NAIP: variants seen among roughly 807,000 people sequenced by gnomAD.
NAIP encodes the protein NLR family apoptosis inhibitory protein.
A neutral mutation model predicts 23.0 loss-of-function variants in NAIP; 15 were observed. The observed-to-expected ratio is 0.65, with a 90% CI of 0.44 to 1.00. The LOEUF is 1.00. Among genes scored for constraint, NAIP ranks in the 50% least tolerant of loss-of-function variants. NAIP has a pLI of 0.00. For synonymous variants in NAIP, 100 were observed against 100.2 expected (o/e 1.00, Z 0.01); for missense variants, 265 against 278.8 (o/e 0.95, Z 0.35).
chr5:71,016,489 AT>A (rs1379278968), intron 3 of NAIP, among the ~76,000 whole-genome samples: 1 of 151,742 alleles, frequency 6.6e-6, no homozygotes, highest in East Asian at 1.9e-4. Flanking sequence ...GTCTCTATAG[AT>A]TTGCCTACTG....
At chr5:71,002,387 A>C (rs1580923956) in intron 6 of NAIP, among the ~76,000 whole-genome samples, 1 of 45,622 alleles carries the variant, frequency 2.2e-5, no homozygotes, top group Non-Finnish European at 4.0e-5. Flanking sequence ...AGAGACAGAC[A>C]CGATGTTGGA....
intron 13 of NAIP, among the ~76,000 whole-genome samples, chr5:70,978,155 T>A (rs2528565): frequency 0.01 from 1,068 of 102,522 alleles, no homozygotes; most frequent in Non-Finnish European, 0.015. Flanking sequence ...ATATATTTTT[T>A]TTTTTTTTTT....
chr5:71,010,410 A>T (rs1751093912), intron 5 of NAIP, among the ~76,000 whole-genome samples: 2 of 151,640 alleles, frequency 1.3e-5, no homozygotes, highest in African/African-American at 4.8e-5. Context: ...CTGGGACTAC[A>T]GGCACCCGCC....
chr5:70,977,370 A>G (rs1319240419), intron 13 of NAIP, among the ~76,000 whole-genome samples: 1 of 147,098 alleles, frequency 6.8e-6, no homozygotes, highest in African/African-American at 2.7e-5. Flanking sequence ...TTACACAATA[A>G]GAATACAAAG....
intron 6 of NAIP, among the ~76,000 whole-genome samples, chr5:71,002,349 ATTTTTTT>A (rs1358622347): frequency 2.6e-4 from 7 of 26,642 alleles, no homozygotes; most frequent in Middle Eastern, 0.013. Context: ...CACCCGGCTA[ATTTTTTT>A]TTTTTTTTTG....
intron 3 of NAIP, among the ~76,000 whole-genome samples, chr5:71,014,669 G>A (rs1052975824): frequency 3.3e-5 from 5 of 151,482 alleles, no homozygotes; most frequent in Admixed American, 2.6e-4. Context: ...TTGGGAGGCT[G>A]AGGCGGGCAG....
intron 13 of NAIP, among the ~76,000 whole-genome samples, chr5:70,978,014 T>A (rs1580909526): frequency 9.2e-6 from 1 of 109,196 alleles, no homozygotes. Flanking sequence ...AAAAGAAACA[T>A]AAAAGGAATG....
intron 4 of NAIP, chr5:71,011,752 T>A (rs937011027): frequency 9.0e-6 from 4 of 446,496 alleles, no homozygotes; most frequent in African/African-American, 2.0e-5. Flanking sequence ...AACATAGGCA[T>A]GTTTCTTAAA....
At position 71,012,811 on chromosome 5, in the gene NAIP, TG is replaced by T. The variant is rs1391375203; in HGVS notation, c.104del (p.Ala35GlufsTer4). 6.2e-7 allele frequency: 1 copy of T among 1,611,896 alleles called. No individual in the cohort carries two copies. Among genetic ancestry groups the T allele is most frequent in the East Asian group, 2.2e-5 (1 of 44,870 alleles). ...TCTGCTCCTCTTCTTCTAGTTCCTT[TG>T]CCAACTGAACTGCATCTAGGCCCAG... ...ALLGLDAVQL[A>X]KELEEEEQKE... On this transcript the variant is annotated frameshift_variant, in exon 4 of 17. Transcript: ENST00000517649. LOFTEE classifies it high-confidence loss of function.
intron 3 of NAIP, among the ~76,000 whole-genome samples, chr5:71,013,951 G>T (rs1371185055): frequency 2.0e-5 from 3 of 151,438 alleles, no homozygotes; most frequent in Non-Finnish European, 4.4e-5. Context: ...TCGAGAATAA[G>T]GGTTGATAAA....
intron 4 of NAIP, chr5:71,011,673 C>T (rs1751167288): frequency 2.1e-6 from 1 of 486,488 alleles, no homozygotes; most frequent in Admixed American, 3.2e-5. Context: ...CCGACTAACA[C>T]CAGGACCAGC....
intron 3 of NAIP, among the ~76,000 whole-genome samples, chr5:71,014,837 A>G (rs905164700): frequency 1.3e-5 from 2 of 151,580 alleles, no homozygotes; most frequent in African/African-American, 4.8e-5. Flanking sequence ...TGGGAGGCAG[A>G]GGTTGCAGTG....
chr5:71,014,629 G>A (rs1283823146), intron 3 of NAIP, among the ~76,000 whole-genome samples: 1 of 151,638 alleles, frequency 6.6e-6, no homozygotes, highest in African/African-American at 2.4e-5. Context: ...TTAGCTGGGC[G>A]CAGTGGCTCA....
Position 71,024,920 on chromosome 5 carries a change from GA to G in NAIP, c.-525del, listed in dbSNP as rs1408636514. ...CTAATCATGCCTTAGTCTTTCAGGG[GA>G]TAGCCCCCATCCTGAAGTTGTCTAA... On this transcript the variant is annotated 5_prime_UTR_variant, in exon 1 of 17. An upstream open reading frame in the 5' UTR loses its in-frame stop. Coordinates refer to ENST00000517649, the MANE Select transcript of NAIP (RefSeq NM_004536.3). 8 of 48,908 alleles carry G rather than the reference GA, an allele frequency of 1.6e-4. 2 individuals carry two copies. The highest frequency in any genetic ancestry group is 6.5e-4 in the Admixed American group (2 of 3,088). 3.0% of individuals were successfully genotyped at this position (48,908 alleles called of 1,614,324 possible).
At chr5:70,978,244 T>C (rs1750389564) in intron 13 of NAIP, among the ~76,000 whole-genome samples, 1 of 149,608 alleles carries the variant, frequency 6.7e-6, no homozygotes, top group African/African-American at 2.5e-5. Flanking sequence ...CTTGAACTTC[T>C]GGACTCAAGT....
rs1235283443 is a variant in NAIP at position 70,971,702 on chromosome 5, G to A, written c.3848-1234C>T. On this transcript the variant is annotated intron_variant, in intron 16 of 16. Coordinates refer to ENST00000517649, the MANE Select transcript of NAIP (RefSeq NM_004536.3). ...TGACATTCCTAAAGCCATGTCATCC[G>A]ACTGTCCACTGCTATGCCCTATTTC... 1.2e-4 allele frequency: 12 copies of A among 96,746 alleles called. 2 individuals are homozygous for A. The highest frequency in any genetic ancestry group is 2.4e-4 in the Non-Finnish European group (10 of 41,324). 6.0% of individuals were successfully genotyped at this position (96,746 alleles called of 1,614,324 possible). A position where few individuals can be genotyped will look rare whatever the true frequency, so the allele number is the denominator to read the frequency against.
intron 3 of NAIP, among the ~76,000 whole-genome samples, chr5:71,013,134 T>C (rs570849056): frequency 2.2e-4 from 34 of 151,628 alleles, no homozygotes; most frequent in African/African-American, 7.0e-4. Context: ...GTGCTAGACA[T>C]TGGGGATCTA....
chr5:71,010,910 C>G (rs1751120167), intron 5 of NAIP, among the ~76,000 whole-genome samples: 2 of 151,228 alleles, frequency 1.3e-5, no homozygotes, highest in East Asian at 1.9e-4. Context: ...AAAGGTGGCT[C>G]TTTTGTCTTT....
intron 5 of NAIP, among the ~76,000 whole-genome samples, chr5:71,009,831 C>A (rs1751062720): frequency 6.6e-6 from 1 of 151,516 alleles, no homozygotes; most frequent in South Asian, 2.1e-4. Flanking sequence ...AGTTTAAAAA[C>A]TTGTTAAAGG....
Sources: gnomAD v4.1 joint callset for allele counts (sites outside exome capture counted in the v4.1 genomes callset) on GRCh38, gnomAD v4.1.1 for gene constraint, MANE v1.5 for transcripts, NCBI Gene and HGNC (gene_info 2026-07-23, HGNC 2026-07-21) for gene names.